The following MAPKAP1 variants were observed in gnomAD, a reference collection of about 807,000 sequenced individuals.
MAPKAP1 encodes target of rapamycin complex 2 subunit MAPKAP1.
MAPKAP1 carries 20 observed loss-of-function variants against 65.7 expected under a neutral mutation model. The observed-to-expected ratio is 0.30, with a 90% CI of 0.21 to 0.44. The LOEUF (loss-of-function observed/expected upper bound fraction) is 0.44. MAPKAP1 is among the 20% of genes least tolerant of loss of function. MAPKAP1 has a pLI of 1.00. For missense variants in MAPKAP1, 423 were observed against 648.0 expected (o/e 0.65, Z 3.77); for synonymous variants, 222 against 244.3 (o/e 0.91, Z 0.85).
chr9:125,463,170 C>A (rs762096095), intron 10 of MAPKAP1, among the ~76,000 whole-genome samples: 4 of 152,240 alleles, frequency 2.6e-5, no homozygotes, highest in Admixed American at 6.5e-5. Context: ...TGCCTATTAC[C>A]GCGTTAACAT....
At chr9:125,669,088 G>A (rs1206306485) in intron 3 of MAPKAP1, among the ~76,000 whole-genome samples, 1 of 151,838 alleles carries the variant, frequency 6.6e-6, no homozygotes, top group Non-Finnish European at 1.5e-5. Context: ...GCTGAGGCAG[G>A]AGAATTGCTT....
intron 7 of MAPKAP1, among the ~76,000 whole-genome samples, chr9:125,518,409 C>T (rs1564539480): frequency 6.7e-6 from 1 of 150,322 alleles, no homozygotes; most frequent in South Asian, 2.1e-4. Context: ...TGTAATCCCA[C>T]ATTACATCTG....
intron 4 of MAPKAP1, among the ~76,000 whole-genome samples, chr9:125,656,953 A>G (rs530324794): frequency 7.9e-5 from 12 of 152,294 alleles, no homozygotes; most frequent in African/African-American, 2.6e-4. Context: ...ATAACAGCAA[A>G]CTTAGCACAA....
intron 9 of MAPKAP1, among the ~76,000 whole-genome samples, chr9:125,479,030 G>A (rs1380996903): frequency 6.6e-6 from 1 of 152,046 alleles, no homozygotes; most frequent in Non-Finnish European, 1.5e-5. Context: ...TTCTTATTCC[G>A]GCTTGATTAC....
At chr9:125,603,188 T>C (rs1832352358) in intron 4 of MAPKAP1, among the ~76,000 whole-genome samples, 1 of 151,946 alleles carries the variant, frequency 6.6e-6, no homozygotes, top group Admixed American at 6.6e-5. Context: ...GGATTACAGG[T>C]GTGAGCCACC....
intron 5 of MAPKAP1, among the ~76,000 whole-genome samples, chr9:125,584,087 C>T (rs892043277): frequency 1.3e-5 from 2 of 151,988 alleles, no homozygotes; most frequent in Non-Finnish European, 2.9e-5. Flanking sequence ...AGAATTACTT[C>T]AGACAACATC....
intron 1 of MAPKAP1, among the ~76,000 whole-genome samples, chr9:125,693,554 C>T (rs952824752): frequency 4.7e-5 from 7 of 148,152 alleles, no homozygotes; most frequent in Admixed American, 1.4e-4. Context: ...TATACATATA[C>T]ACACACATAT....
At chr9:125,637,798 G>A (rs904919947) in intron 4 of MAPKAP1, among the ~76,000 whole-genome samples, 9 of 152,082 alleles carry the variant, frequency 5.9e-5, no homozygotes, top group Admixed American at 2.6e-4. Flanking sequence ...GTTCTGAGAC[G>A]GAATCTCGCT....
intron 1 of MAPKAP1, among the ~76,000 whole-genome samples, chr9:125,681,936 T>A (rs897991165): frequency 3.3e-5 from 5 of 152,242 alleles, no homozygotes; most frequent in Admixed American, 6.5e-5. Flanking sequence ...ATTTTTAAAT[T>A]TTTTTGTAGA....
chr9:125,492,779 A>G (rs1372554242), intron 8 of MAPKAP1, among the ~76,000 whole-genome samples: 1 of 152,338 alleles, frequency 6.6e-6, no homozygotes, highest in East Asian at 1.9e-4. Context: ...AAAAAGATCT[A>G]TGCCAACTCT....
intron 5 of MAPKAP1, among the ~76,000 whole-genome samples, chr9:125,560,666 T>C (rs1425809372): frequency 6.6e-6 from 1 of 152,238 alleles, no homozygotes; most frequent in Non-Finnish European, 1.5e-5. Flanking sequence ...AGACAATCCA[T>C]ACAGTTCTCC....
At chr9:125,596,569 C>A in intron 4 of MAPKAP1, 1 of 688,766 alleles carries the variant, frequency 1.5e-6, no homozygotes. Flanking sequence ...ACCACAAAAC[C>A]GAGGTGGCTA....
intron 10 of MAPKAP1, among the ~76,000 whole-genome samples, chr9:125,465,884 G>GT (rs1451626089): frequency 6.6e-6 from 1 of 152,204 alleles, no homozygotes; most frequent in East Asian, 1.9e-4. Flanking sequence ...GGAAATGTTT[G>GT]TAAGTTAGAG....
chr9:125,481,168 G>A (rs988672325), intron 9 of MAPKAP1, among the ~76,000 whole-genome samples: 6 of 152,170 alleles, frequency 3.9e-5, no homozygotes, highest in Admixed American at 3.3e-4. Flanking sequence ...CTGACTGACT[G>A]CAGAGCTTGG....
chr9:125,646,427 A>G (rs1373025514), intron 4 of MAPKAP1, among the ~76,000 whole-genome samples: 1 of 152,204 alleles, frequency 6.6e-6, no homozygotes, highest in African/African-American at 2.4e-5. Context: ...GTGAAGTTTC[A>G]GTTTCCTTCT....
chr9:125,588,027 C>G (rs1463242322), intron 4 of MAPKAP1, among the ~76,000 whole-genome samples: 1 of 152,066 alleles, frequency 6.6e-6, no homozygotes, highest in Non-Finnish European at 1.5e-5. Flanking sequence ...AAAAATGAAA[C>G]ACAGAATTAC....
At chr9:125,506,463 C>A (rs372597158) in intron 7 of MAPKAP1, 46 bp from the exon 8 acceptor site, 2 of 1,472,608 alleles carry the variant, frequency 1.4e-6, no homozygotes, top group African/African-American at 1.4e-5. Flanking sequence ...TCTGAAACAG[C>A]GAATTTAACA....
At chr9:125,470,793 G>A (rs187261242) in intron 9 of MAPKAP1, among the ~76,000 whole-genome samples, 45 of 152,204 alleles carry the variant, frequency 3.0e-4, no homozygotes, top group African/African-American at 7.9e-4. Flanking sequence ...TCATTTAGAC[G>A]GTGTGTTCCA....
At chr9:125,553,214 T>C (rs186850976) in intron 6 of MAPKAP1, among the ~76,000 whole-genome samples, 202 of 152,298 alleles carry the variant, frequency 1.3e-3, no homozygotes, top group African/African-American at 4.7e-3. Context: ...GAGAGTCACC[T>C]GGCCTACATC....
Sources: allele counts gnomAD v4.1 joint callset (sites outside exome capture counted in the v4.1 genomes callset), GRCh38; gene constraint gnomAD v4.1.1; transcripts MANE v1.5; gene names NCBI Gene and HGNC (gene_info 2026-07-23, HGNC 2026-07-21).